Variants in CDH2 observed in about 807,000 individuals in gnomAD.
CDH2 encodes cadherin-2.
Under a neutral mutation model 92.0 loss-of-function variants are expected in CDH2, and 17 were observed. The observed-to-expected ratio is 0.18, with a 90% CI of 0.13 to 0.28. The LOEUF is 0.28. CDH2 is among the 10% of genes least tolerant of loss of function. The pLI is 1.00. For missense variants in CDH2, 862 were observed against 1,133.1 expected (o/e 0.76, Z 3.44); for synonymous variants, 419 against 415.9 (o/e 1.01, Z -0.09).
chr18:28,150,437 C>A (rs1490198175), intron 1 of CDH2, among the ~76,000 whole-genome samples: 1 of 152,174 alleles, frequency 6.6e-6, no homozygotes, highest in Non-Finnish European at 1.5e-5. Context: ...GGAGAATCAG[C>A]GGCACCAAGT....
chr18:28,028,609 CCAT>C (rs2013618223), intron 2 of CDH2, among the ~76,000 whole-genome samples: 1 of 152,018 alleles, frequency 6.6e-6, no homozygotes, highest in African/African-American at 2.4e-5. Context: ...TGAAAATTTA[CCAT>C]CATAATACAT....
chr18:27,952,422 A>G, intron 15 of CDH2, 63 bp from the exon 16 acceptor site: 1 of 1,291,058 alleles, frequency 7.7e-7, no homozygotes. Context: ...CAAAACCACA[A>G]GCAGATCCTA....
rs2015119931 is a variant in CDH2 at position 28,095,716 on chromosome 18, A to G, written c.172+51957T>C. Among the ~76,000 whole-genome samples the G allele has an allele frequency of 2.7e-5, 4 of 150,636 alleles. 1 individual carries two copies. In the South Asian group the frequency reaches 8.5e-4, roughly 32 times the overall value. On this transcript the variant is annotated intron_variant, in intron 2 of 15. Coordinates refer to ENST00000269141, the MANE Select transcript of CDH2 (RefSeq NM_001792.5). ...TCCCAGCTGCTCTGGAGGCTGAGGC[A>G]GGAGAATCACTTGAACACATTAGGT...
At chr18:28,109,250 T>C (rs977352459) in intron 2 of CDH2, among the ~76,000 whole-genome samples, 3 of 152,218 alleles carry the variant, frequency 2.0e-5, no homozygotes, top group Non-Finnish European at 4.4e-5. Context: ...TAGACTGGCC[T>C]GTGACCACAA....
At chr18:28,031,269 T>A (rs968857551) in intron 2 of CDH2, among the ~76,000 whole-genome samples, 11 of 152,024 alleles carry the variant, frequency 7.2e-5, no homozygotes, top group African/African-American at 2.4e-4. Context: ...AACTCTTGTC[T>A]TACCTAAATG....
intron 2 of CDH2, among the ~76,000 whole-genome samples, chr18:28,133,214 T>G (rs1290653303): frequency 1.3e-5 from 2 of 152,124 alleles, no homozygotes; most frequent in African/African-American, 4.8e-5. Flanking sequence ...TTTAAAACTG[T>G]TTACATCTGA....
chr18:27,936,122 C>CT (rs1209898653), intron 6 of CDH2, among the ~76,000 whole-genome samples: 1 of 152,170 alleles, frequency 6.6e-6, no homozygotes, highest in African/African-American at 2.4e-5. Flanking sequence ...AGACTCAATG[C>CT]TTAGACTTAC....
chr18:28,060,700 AC>A (rs2014386413), intron 2 of CDH2, among the ~76,000 whole-genome samples: 1 of 152,258 alleles, frequency 6.6e-6, no homozygotes, highest in African/African-American at 2.4e-5. Flanking sequence ...GTTTTGGGAG[AC>A]CATTTGGTAA....
intron 2 of CDH2, among the ~76,000 whole-genome samples, chr18:28,109,868 A>T (rs568032608): frequency 6.6e-6 from 1 of 152,352 alleles, no homozygotes; most frequent in South Asian, 2.1e-4. Flanking sequence ...AGTGTTATTG[A>T]TTCCTCTTTC....
chr18:28,006,962 A>C (rs896184347), intron 5 of CDH2, among the ~76,000 whole-genome samples: 4 of 151,244 alleles, frequency 2.6e-5, no homozygotes, highest in Non-Finnish European at 5.9e-5. Flanking sequence ...ACTTGAGGTC[A>C]GGAGTTCGAG....
intron 7 of CDH2, among the ~76,000 whole-genome samples, chr18:27,995,248 A>G (rs2012543707): frequency 7.6e-6 from 1 of 131,048 alleles, no homozygotes; most frequent in African/African-American, 2.9e-5. Flanking sequence ...CAGGAGGCGG[A>G]GGTTGCAGTG....
chr18:28,175,012 C>T (rs986838872), intron 1 of CDH2, among the ~76,000 whole-genome samples: 1 of 152,180 alleles, frequency 6.6e-6, no homozygotes, highest in Non-Finnish European at 1.5e-5. Flanking sequence ...TCTTGCCTTC[C>T]ATTTAACTTC....
intron 1 of CDH2, among the ~76,000 whole-genome samples, chr18:28,151,556 T>C (rs10513896): frequency 0.46 from 69,654 of 151,608 alleles, 17,756 homozygotes; most frequent in Middle Eastern, 0.73. Context: ...GCTATCGGTA[T>C]GAGGATCACT....
chr18:28,152,743 T>G (rs578261904), intron 1 of CDH2, among the ~76,000 whole-genome samples: 2 of 152,264 alleles, frequency 1.3e-5, no homozygotes, highest in East Asian at 1.9e-4. Flanking sequence ...CGAATGCATC[T>G]GACAGAGAAT....
At chr18:28,145,642 T>C (rs1172329349) in intron 2 of CDH2, among the ~76,000 whole-genome samples, 2 of 152,138 alleles carry the variant, frequency 1.3e-5, no homozygotes, top group Non-Finnish European at 2.9e-5. Context: ...GGAGATAACA[T>C]GCTTGTGTTG....
intron 2 of CDH2, among the ~76,000 whole-genome samples, chr18:28,050,727 A>G (rs2014174425): frequency 1.3e-5 from 2 of 152,154 alleles, no homozygotes; most frequent in South Asian, 2.1e-4. Flanking sequence ...GCACTGAAAT[A>G]GCTCTCCCAT....
At chr18:27,946,427 AT>A (rs1385939612), downstream of CDH2, among the ~76,000 whole-genome samples, 4 of 152,224 alleles carry the variant, frequency 2.6e-5, no homozygotes, top group African/African-American at 9.6e-5. Context: ...CTATTGATAC[AT>A]TTTTTAAAAG....
At chr18:27,944,852 G>A (rs1025743209) in intron 6 of CDH2, among the ~76,000 whole-genome samples, 4 of 151,638 alleles carry the variant, frequency 2.6e-5, no homozygotes, top group Non-Finnish European at 5.9e-5. Context: ...AGTTTGAGGC[G>A]GCTGCAGTGA....
At chr18:28,064,941 T>C (rs911824934) in intron 2 of CDH2, among the ~76,000 whole-genome samples, 7 of 152,122 alleles carry the variant, frequency 4.6e-5, no homozygotes, top group South Asian at 2.1e-4. Flanking sequence ...CCTAGCTTCA[T>C]GATAAGCCTG....
Sources: allele counts gnomAD v4.1 joint callset (sites outside exome capture counted in the v4.1 genomes callset), GRCh38; gene constraint gnomAD v4.1.1; transcripts MANE v1.5; gene names NCBI Gene and HGNC (gene_info 2026-07-23, HGNC 2026-07-21).